The following ECPAS variants were observed in gnomAD, a reference collection of about 807,000 sequenced individuals.
ECPAS encodes the protein proteasome adapter and scaffold protein ECM29.
Under a neutral mutation model 255.1 loss-of-function variants are expected in ECPAS, and 70 were observed. The ratio of observed to expected loss-of-function variants is 0.27; its 90% CI spans 0.23 to 0.33. ECPAS has a LOEUF of 0.33. Among genes scored for constraint, ECPAS ranks in the 10% least tolerant of loss-of-function variants. The pLI, the probability that ECPAS is intolerant of heterozygous loss-of-function variation, is 1.00. For missense variants in ECPAS, 1,817 were observed against 2,206.4 expected (o/e 0.82, Z 3.54); for synonymous variants, 784 against 775.0 (o/e 1.01, Z -0.19).
At chr9:111,423,281 A>G in intron 12 of ECPAS, 33 bp from the exon 13 acceptor site, 1 of 1,462,868 alleles carries the variant, frequency 6.8e-7, no homozygotes, top group Non-Finnish European at 9.3e-7. Flanking sequence ...AAAGAAAAGA[A>G]AGAACAAAAA....
At chr9:111,395,678 A>G (rs10217628) in intron 25 of ECPAS, among the ~76,000 whole-genome samples, 2,810 of 152,024 alleles carry the variant, frequency 0.018, 87 homozygotes, top group African/African-American at 0.063. Flanking sequence ...TAGGTAAAAA[A>G]CCCATGGAGT....
At chr9:111,371,478 T>C in intron 43 of ECPAS, 143 bp downstream of exon 43, 2 of 796,310 alleles carry the variant, frequency 2.5e-6, no homozygotes, top group Non-Finnish European at 4.1e-6. Context: ...CAGGCAAGGT[T>C]TACCCAAAGC....
chr9:111,369,741 T>G (rs541096472), intron 45 of ECPAS, among the ~76,000 whole-genome samples: 209 of 152,276 alleles, frequency 1.4e-3, no homozygotes, highest in Middle Eastern at 0.014. Context: ...ACCCTTTTTT[T>G]TGGGGGGGGG....
intron 21 of ECPAS, 77 bp from the exon 22 acceptor site, chr9:111,411,219 C>A: frequency 1.4e-6 from 2 of 1,397,316 alleles, no homozygotes; most frequent in South Asian, 2.5e-5. Flanking sequence ...AACTGTGTGT[C>A]GATTAGGATC....
At chr9:111,464,222 C>T (rs1365919419) in intron 2 of ECPAS, among the ~76,000 whole-genome samples, 1 of 149,402 alleles carries the variant, frequency 6.7e-6, no homozygotes, top group Non-Finnish European at 1.5e-5. Context: ...CGCTTGAGCT[C>T]AGGAGTTCAA....
At chr9:111,465,733 A>G (rs1006352861) in intron 2 of ECPAS, among the ~76,000 whole-genome samples, 98 of 152,052 alleles carry the variant, frequency 6.4e-4, no homozygotes, top group African/African-American at 2.2e-3. Flanking sequence ...TTTTGATTAG[A>G]AAAAAACAGC....
chr9:111,372,597 C>T lies in ECPAS; in HGVS notation c.4360G>A (p.Ala1454Thr), dbSNP rs368033859. ...KEEPIYKTSCALTIHAIGRYS... is the reference protein window; with the variant it reads ...KEEPIYKTSCTLTIHAIGRYS... ...CGTCCAATAGCATGAATAGTCAAAG[C>T]ACAAGAGGTCTTGTAGATAGGTTCT... Residue 1454 changes from alanine (A) to threonine (T), a missense_variant, in exon 42 of 50, where the codon GCT becomes ACT. Physicochemically the swap from Ala to Thr is moderately conservative, Grantham distance 58. Coordinates refer to ENST00000684092, the MANE Select transcript of ECPAS (RefSeq NM_001364929.1). 5.1e-5 allele frequency: 82 copies of T among 1,612,258 alleles called. No homozygotes were observed. Among genetic ancestry groups the T allele is most frequent in the Non-Finnish European group, 6.8e-5 (80 of 1,179,108 alleles).
At chr9:111,422,510 C>T (rs535471825) in intron 13 of ECPAS, among the ~76,000 whole-genome samples, 19 of 152,286 alleles carry the variant, frequency 1.2e-4, no homozygotes, top group Non-Finnish European at 2.1e-4. Flanking sequence ...TGGAAAGGGG[C>T]TTTGTTACTT....
intron 2 of ECPAS, among the ~76,000 whole-genome samples, chr9:111,469,808 CA>C (rs1221610578): frequency 0.019 from 2,364 of 126,668 alleles, 61 homozygotes; most frequent in African/African-American, 0.059. Flanking sequence ...GACTCTGTCT[CA>C]AAAAAAAAAA....
rs1175840782 is a variant in ECPAS at position 111,390,770 on chromosome 9, A to C, written c.3162-669T>G. Reference sequence around the variant, plus strand: ...CCCTGCAACCAGCAAAGATTTGCCTAACGATCCGTAGAAATAAAGCATGAT... The same window carrying C: ...CCCTGCAACCAGCAAAGATTTGCCTCACGATCCGTAGAAATAAAGCATGAT... On this transcript the variant is annotated intron_variant, in intron 29 of 49. Transcript: ENST00000684092. Among the ~76,000 whole-genome samples the C allele has an allele frequency of 4.6e-5, 7 of 152,242 alleles. No homozygotes were observed. The East Asian group carries it at 1.2e-3, about 25-fold the overall frequency.
At chr9:111,443,091 G>A (rs184987268) in intron 4 of ECPAS, among the ~76,000 whole-genome samples, 3 of 152,174 alleles carry the variant, frequency 2.0e-5, no homozygotes, top group Non-Finnish European at 4.4e-5. Context: ...TAAGTATAAC[G>A]TAAATATTCC....
At chr9:111,411,987 A>G (rs1227788441) in intron 21 of ECPAS, 27 bp downstream of exon 21, 4 of 1,500,902 alleles carry the variant, frequency 2.7e-6, no homozygotes, top group Non-Finnish European at 3.5e-6. Flanking sequence ...ATCTCCCACA[A>G]AAAAGAATGA....
In ECPAS at chr9:111,411,500, CATA is replaced by C. The variant is rs1405747570; in HGVS notation, c.2215-361_2215-359del. 20 of 200,524 alleles carry C rather than the reference CATA, an allele frequency of 1.0e-4. 1 individual carries two copies. In the South Asian group the frequency reaches 3.0e-3, roughly 30 times the overall value. The allele number at this position is 200,524 out of a possible 1,614,324, so 12.4% of individuals were successfully genotyped here. A position where few individuals can be genotyped will look rare whatever the true frequency, so the allele number is the denominator to read the frequency against. ...TAACTAGAATATCATAACTTTCACACATAATGTCTTCCTATTGCCAACAAAAGA... is the reference window on the plus strand; with the variant it reads ...TAACTAGAATATCATAACTTTCACACATGTCTTCCTATTGCCAACAAAAGA... On this transcript the variant is annotated intron_variant, in intron 21 of 49. Coordinates refer to ENST00000684092, the MANE Select transcript of ECPAS (RefSeq NM_001364929.1).
rs1341358410 is a variant in ECPAS, at chr9:111,451,633, T to C, written c.23-78A>G. 3 of 1,346,860 alleles carry C rather than the reference T, an allele frequency of 2.2e-6. No individual in the cohort carries two copies. In the African/African-American group the frequency reaches 4.4e-5, roughly 20 times the overall value. The allele number at this position is 1,346,860 out of a possible 1,614,324, so 83.4% of individuals were successfully genotyped here. A position where few individuals can be genotyped will look rare whatever the true frequency, so the allele number is the denominator to read the frequency against. On this transcript the variant is annotated intron_variant, in intron 2 of 49. Coordinates refer to ENST00000684092, the MANE Select transcript of ECPAS (RefSeq NM_001364929.1). ...GACCAATTATTTTTATAGCTTATTCTTTTTTTCTGTACTGCAATCCTTCAG... is the reference window on the plus strand; with the variant it reads ...GACCAATTATTTTTATAGCTTATTCCTTTTTTCTGTACTGCAATCCTTCAG...
At chr9:111,372,039 C>A (rs369729141) in intron 42 of ECPAS, among the ~76,000 whole-genome samples, 1 of 152,096 alleles carries the variant, frequency 6.6e-6, no homozygotes, top group Admixed American at 6.5e-5. Context: ...CCCACAGGAA[C>A]GTATCACACA....
intron 25 of ECPAS, among the ~76,000 whole-genome samples, chr9:111,395,527 T>C (rs1241245139): frequency 6.6e-6 from 1 of 152,176 alleles, no homozygotes; most frequent in Non-Finnish European, 1.5e-5. Flanking sequence ...CAACATTTAA[T>C]GGACAATTGG....
chr9:111,433,169 G>A (rs750138607), intron 8 of ECPAS, 64 bp downstream of exon 8: 2 of 1,548,148 alleles, frequency 1.3e-6, no homozygotes, highest in Non-Finnish European at 1.8e-6. Context: ...AACAAAAAAT[G>A]TGTCAAGTAA....
In ECPAS at chr9:111,451,504, T is replaced by A; in HGVS notation, c.74A>T (p.Gln25Leu). 1 of 1,575,800 alleles carries A rather than the reference T, an allele frequency of 6.3e-7. No individual in the cohort carries two copies. Among genetic ancestry groups the A allele is most frequent in the Non-Finnish European group, 8.6e-7 (1 of 1,159,934 alleles). Residue 25 changes from glutamine to leucine, a missense_variant, in exon 3 of 50, where the codon CAA (glutamine) becomes CTA (leucine). Gln to Leu is a moderately radical substitution (Grantham distance 113). This residue lies in a region of ECPAS where 90 missense variants were observed against 158.5 expected (regional missense o/e 0.57). Coordinates refer to ENST00000684092, the MANE Select transcript of ECPAS (RefSeq NM_001364929.1). ...LRLGHAETDEQLQNIISKFLP... is the reference protein window; with the variant it reads ...LRLGHAETDELLQNIISKFLP... ...GAATTTAGATATAATATTCTGTAAT[T>A]GTTCATCTGTTTCAGCATGGCCAAG...
At position 111,427,238 on chromosome 9, in the gene ECPAS, A is replaced by C. The variant is rs551325586; in HGVS notation, c.1050+804T>G. ...AGAGGCAGGAAGGTAAGTTAAAAGAATACTGCAATAACCAAAACAAGAAGT... is the reference window on the plus strand; with the variant it reads ...AGAGGCAGGAAGGTAAGTTAAAAGACTACTGCAATAACCAAAACAAGAAGT... On this transcript the variant is annotated intron_variant, in intron 10 of 49. Coordinates refer to ENST00000684092, the MANE Select transcript of ECPAS (RefSeq NM_001364929.1). Among the ~76,000 whole-genome samples the C allele has an allele frequency of 5.9e-5, 9 of 152,324 alleles. No individual in the cohort carries two copies. The South Asian group carries it at 1.9e-3, about 32-fold the overall frequency.
Sources: gnomAD v4.1 joint callset for allele counts (sites outside exome capture counted in the v4.1 genomes callset) on GRCh38, gnomAD v4.1.1 for gene constraint, gnomAD v4.1.1 regional missense constraint, MANE v1.5 for transcripts, NCBI Gene and HGNC (gene_info 2026-07-23, HGNC 2026-07-21) for gene names.